Variants in ASAH2B observed in about 807,000 individuals in gnomAD.
The protein encoded by ASAH2B is N-acylsphingosine amidohydrolase 2B.
ASAH2B carries 1 observed loss-of-function variant against 2.9 expected under a neutral mutation model. The observed-to-expected ratio is 0.34, with a 90% CI of 0.12 to 1.63. The LOEUF (loss-of-function observed/expected upper bound fraction) is 1.63. Ranked by LOEUF, ASAH2B falls within the 40% of genes most tolerant of loss-of-function variation. The pLI is 0.36. For missense variants in ASAH2B, 9 were observed against 37.7 expected, an observed-to-expected ratio of 0.24 and a Z score of 1.99; for synonymous variants, 4 against 13.3, an observed-to-expected ratio of 0.30 and a Z score of 1.52.
At position 50,747,325 on chromosome 10, in the gene ASAH2B, G is replaced by C. The variant is rs536297173; in HGVS notation, c.145-2018G>C. Among the ~76,000 whole-genome samples the C allele has an allele frequency of 1.3e-3, 198 of 151,380 alleles. 1 individual carries two copies. The highest frequency in any genetic ancestry group is 1.7e-3 in the Non-Finnish European group (112 of 67,850). The stretch of plus-strand genomic sequence containing the variant: ...TGAGGGCTTATTTCTGGGCTCCATT[G>C]GTCTATGTGTACCAATGGTGTGTTG... On this transcript the variant is annotated intron_variant, in intron 3 of 5. Transcript: ENST00000647317.
At chr10:50,747,133 A>G (rs1216576196) in intron 3 of ASAH2B, among the ~76,000 whole-genome samples, 1 of 148,560 alleles carries the variant, frequency 6.7e-6, no homozygotes, top group African/African-American at 2.5e-5. Flanking sequence ...GTTGTTTTAT[A>G]GTTTCAGGTT....
intron 2 of ASAH2B, chr10:50,743,742 G>A (rs1278465457): frequency 1.3e-5 from 2 of 150,492 alleles, no homozygotes; most frequent in Admixed American, 6.6e-5. Flanking sequence ...ATGTCAGAAG[G>A]TTAGTCAACA....
chr10:50,748,636 G>C (rs1324062340), intron 3 of ASAH2B, among the ~76,000 whole-genome samples: 1 of 151,208 alleles, frequency 6.6e-6, no homozygotes, highest in Non-Finnish European at 1.5e-5. Flanking sequence ...TTCTGTCTCT[G>C]TGCAGCTATC....
chr10:50,743,155 A>G (rs1839858593), intron 2 of ASAH2B, 145 bp downstream of exon 2: 4 of 838,960 alleles, frequency 4.8e-6, no homozygotes, highest in African/African-American at 1.7e-5. Context: ...TACAAAATTT[A>G]TAGTTTTGTG....
intron 3 of ASAH2B, among the ~76,000 whole-genome samples, chr10:50,747,251 C>G (rs191215015): frequency 4.6e-4 from 70 of 151,380 alleles, no homozygotes; most frequent in East Asian, 9.7e-4. Context: ...TGTCACTTCC[C>G]CATTGTGTGT....
At chr10:50,754,142 CAT>C (rs1227303806) in intron 5 of ASAH2B, among the ~76,000 whole-genome samples, 2 of 149,274 alleles carry the variant, frequency 1.3e-5, no homozygotes, top group Admixed American at 1.4e-4. Flanking sequence ...TATATATATA[CAT>C]ATATATATGT....
intron 1 of ASAH2B, among the ~76,000 whole-genome samples, chr10:50,742,615 C>T (rs1588927636): frequency 6.6e-6 from 1 of 152,056 alleles, no homozygotes; most frequent in African/African-American, 2.4e-5. Context: ...ACTTATATTA[C>T]AAGTACTTAT....
In ASAH2B at chr10:50,755,835, G is replaced by A. The variant is rs1455731865; in HGVS notation, c.*1095G>A. The A allele has an allele frequency of 1.3e-5, 2 of 151,800 alleles. No homozygotes were observed. The highest frequency in any genetic ancestry group is 3.9e-4 in the East Asian group (2 of 5,140). 9.4% of individuals were successfully genotyped at this position (151,800 alleles called of 1,614,324 possible). A position where few individuals can be genotyped will look rare whatever the true frequency, so the allele number is the denominator to read the frequency against. On this transcript the variant is annotated 3_prime_UTR_variant, in exon 6 of 6. Transcript: ENST00000647317. ...AACTATTATGAAGGAGAAAATAATC[G>A]ATTTAATATGTAAATTCTGGGGAGG...
At chr10:50,753,130 T>C (rs1390132249) in intron 5 of ASAH2B, among the ~76,000 whole-genome samples, 1 of 148,914 alleles carries the variant, frequency 6.7e-6, no homozygotes, top group Non-Finnish European at 1.5e-5. Context: ...GCTGAATAGA[T>C]ATTTTGAAGA....
chr10:50,740,786 A>G (rs1178798477), intron 1 of ASAH2B, among the ~76,000 whole-genome samples: 1 of 152,312 alleles, frequency 6.6e-6, no homozygotes, highest in African/African-American at 2.4e-5. Flanking sequence ...GTGATTACCA[A>G]TTTATTGGCC....
At chr10:50,742,826 C>G in intron 1 of ASAH2B, 89 bp from the exon 2 acceptor site, 1 of 1,279,592 alleles carries the variant, frequency 7.8e-7, no homozygotes. Context: ...TGTGAGATGT[C>G]AAGCATCACA....
At position 50,756,949 on chromosome 10, in the gene ASAH2B, A is replaced by C. The variant is rs1300817230; in HGVS notation, c.*2209A>C. The C allele has an allele frequency of 6.6e-6, 1 of 151,726 alleles. No individual in the cohort carries two copies. Among genetic ancestry groups the C allele is most frequent in the Non-Finnish European group, 1.5e-5 (1 of 67,780 alleles). The allele number at this position is 151,726 out of a possible 1,614,324, so 9.4% of individuals were successfully genotyped here. A position where few individuals can be genotyped will look rare whatever the true frequency, so the allele number is the denominator to read the frequency against. ...CGGAAACTCCTGAAATTGGTGGAAA[A>C]AGTGGAATATGGCAGATTGGGTAGG... On this transcript the variant is annotated 3_prime_UTR_variant, in exon 6 of 6. Transcript: ENST00000647317.
chr10:50,754,269 G>C (rs1387489339), intron 5 of ASAH2B, among the ~76,000 whole-genome samples: 2 of 144,122 alleles, frequency 1.4e-5, no homozygotes, highest in African/African-American at 5.2e-5. Flanking sequence ...ACATCTTGTG[G>C]CTATCAGGTA....
At chr10:50,748,813 C>T (rs1433266308) in intron 3 of ASAH2B, among the ~76,000 whole-genome samples, 2 of 150,968 alleles carry the variant, frequency 1.3e-5, no homozygotes, top group Non-Finnish European at 2.9e-5. Context: ...TGTTTGTCTG[C>T]TGCCACTCAA....
intron 2 of ASAH2B, among the ~76,000 whole-genome samples, chr10:50,744,537 AATATAG>A (rs1340151185): frequency 1.3e-5 from 2 of 151,636 alleles, no homozygotes; most frequent in Non-Finnish European, 2.9e-5. Context: ...GTACCAACCT[AATATAG>A]ATATAGGGAT....
intron 1 of ASAH2B, among the ~76,000 whole-genome samples, chr10:50,741,499 G>A (rs1021746548): frequency 2.0e-5 from 3 of 152,254 alleles, no homozygotes; most frequent in Non-Finnish European, 4.4e-5. Context: ...CACCAGCCCA[G>A]ACTGGGTATT....
chr10:50,744,052 T>C (rs1489290531), intron 2 of ASAH2B, among the ~76,000 whole-genome samples: 1 of 151,124 alleles, frequency 6.6e-6, no homozygotes, highest in Non-Finnish European at 1.5e-5. Flanking sequence ...ATCATAATTT[T>C]GGTCTCAGTT....
chr10:50,743,948 T>C (rs1839870423), intron 2 of ASAH2B, among the ~76,000 whole-genome samples: 1 of 77,900 alleles, frequency 1.3e-5, no homozygotes, highest in African/African-American at 2.9e-5. Flanking sequence ...AAATTTCATA[T>C]GCCTGTATTA....
rs921410874 is a variant in ASAH2B, at chr10:50,758,766, G to A, written c.*4026G>A. 2.6e-5 allele frequency: 4 copies of A among 152,028 alleles called. No individual in the cohort carries two copies. The highest frequency in any genetic ancestry group is 9.7e-5 in the African/African-American group (4 of 41,422). 9.4% of individuals were successfully genotyped at this position (152,028 alleles called of 1,614,324 possible). A position where few individuals can be genotyped will look rare whatever the true frequency, so the allele number is the denominator to read the frequency against. ...ATCCTAAGAATGAAACAATAATGAA[G>A]GCAAAGCTATTCCCTGCCAAAAGGA... On this transcript the variant is annotated 3_prime_UTR_variant, in exon 6 of 6. Coordinates refer to ENST00000647317, the MANE Select transcript of ASAH2B (RefSeq NM_001321958.2).
Sources: gnomAD v4.1 joint callset for allele counts (sites outside exome capture counted in the v4.1 genomes callset) on GRCh38, gnomAD v4.1.1 for gene constraint, MANE v1.5 for transcripts, NCBI Gene and HGNC (gene_info 2026-07-23, HGNC 2026-07-21) for gene names.